Variants in KRTAP10-6 observed in about 807,000 individuals in gnomAD.
KRTAP10-6 encodes the protein keratin-associated protein 10-6.
KRTAP10-6 carries 1 observed loss-of-function variant against 0.5 expected under a neutral mutation model. That is an observed-to-expected ratio of 1.92 (90% CI 0.68 to 9.09). KRTAP10-6 has a LOEUF of 9.09. KRTAP10-6 is among the 30% of genes most tolerant of loss of function. The pLI, the probability that KRTAP10-6 is intolerant of heterozygous loss-of-function variation, is 0.13. For missense variants in KRTAP10-6, 337 were observed against 464.2 expected (o/e 0.73, Z 2.52); for synonymous variants, 136 against 196.5 (o/e 0.69, Z 2.58).
At position 44,591,795 on chromosome 21, in the gene KRTAP10-6, C is replaced by A; in HGVS notation, c.690G>T (p.Val230=). ...TSSPCQQACC[V]PVCCVPVCCV... Reference sequence around the variant, plus strand: ...AGCACACAGGCACGCAGCAGACGGGCACGCAGCAGGCCTGCTGGCAGGGGG... The same window carrying A: ...AGCACACAGGCACGCAGCAGACGGGAACGCAGCAGGCCTGCTGGCAGGGGG... The change falls in exon 1 of 1, where the codon GTG becomes GTT. Residue 230 remains valine (V), a synonymous_variant. Coordinates refer to ENST00000400368, the MANE Select transcript of KRTAP10-6 (RefSeq NM_198688.3). 6.3e-7 allele frequency: 1 copy of A among 1,587,700 alleles called. No homozygotes were observed. Among genetic ancestry groups the A allele is most frequent in the Non-Finnish European group, 8.6e-7 (1 of 1,168,418 alleles).
Position 44,591,311 on chromosome 21 carries a change from G to C in KRTAP10-6, c.*76C>G, listed in dbSNP as rs1439220036. 2 of 1,524,832 alleles carry C rather than the reference G, an allele frequency of 1.3e-6. No homozygotes were observed. Among genetic ancestry groups the C allele is most frequent in the Non-Finnish European group, 8.8e-7 (1 of 1,134,082 alleles). The allele number at this position is 1,524,832 out of a possible 1,614,324, so 94.5% of individuals were successfully genotyped here. A position where few individuals can be genotyped will look rare whatever the true frequency, so the allele number is the denominator to read the frequency against. On this transcript the variant is annotated 3_prime_UTR_variant, in exon 1 of 1. Transcript: ENST00000400368. ...CCATCTTCTGAGGGTGTCAAAGCCA[G>C]AGAGGGCAGAGCTTGCTGGGGCAGC...
rs782699928 is a variant in KRTAP10-6, at chr21:44,591,757, C to A, written c.728G>T (p.Cys243Phe). 6.3e-7 allele frequency: 1 copy of A among 1,599,480 alleles called. No homozygotes were observed. Among genetic ancestry groups the A allele is most frequent in the South Asian group, 1.1e-5 (1 of 90,338 alleles). Residue 243 changes from cysteine (C) to phenylalanine (F), a missense_variant, in exon 1 of 1, where the codon TGC (cysteine) becomes TTC (phenylalanine). This residue lies in a region of KRTAP10-6 where 218 missense variants were observed against 225.3 expected (regional missense o/e 0.97). Transcript: ENST00000400368. ...CCVPVCCVPT[C>F]SEDSSSCCQQ... ...GCAGCATGAAGAGGAATCCTCAGAG[C>A]AGGTGGGCACACAGCACACAGGCAC...
chr21:44,591,820 G>A lies in KRTAP10-6; in HGVS notation c.665C>T (p.Ser222Phe), dbSNP rs782629637. Reference protein sequence around the residue: ...SSCQPTCCTSSPCQQACCVPV... With the variant: ...SSCQPTCCTSFPCQQACCVPV... Reference sequence around the variant, plus strand: ...CACGCAGCAGGCCTGCTGGCAGGGGGAGGAGGTGCAGCAAGTTGGCTGGCA... The same window carrying A: ...CACGCAGCAGGCCTGCTGGCAGGGGAAGGAGGTGCAGCAAGTTGGCTGGCA... Residue 222 changes from serine to phenylalanine, a missense_variant, in exon 1 of 1, where the codon TCC becomes TTC. Transcript: ENST00000400368. 4.4e-6 allele frequency: 7 copies of A among 1,598,846 alleles called. No homozygotes were observed. The South Asian group carries it at 6.7e-5, about 15-fold the overall frequency.
Position 44,592,404 on chromosome 21 carries a change from A to G in KRTAP10-6, c.81T>C (p.Ser27=), listed in dbSNP as rs79387815. 4.6e-3 allele frequency: 7,356 copies of G among 1,601,644 alleles called. 431 individuals are homozygous for G. The East Asian group carries it at 0.13, about 28-fold the overall frequency. The stretch of plus-strand genomic sequence containing the variant: ...CGTCCACCTGCCAGGAGTCGGAGCA[A>G]GAGTCACAGGAACCAGGAAGGCAGA... ...SRVCLPGSCD[S]CSDSWQVDDC... The change falls in exon 1 of 1, where the codon TCT becomes TCC. Residue 27 remains serine (S), a synonymous_variant. Transcript: ENST00000400368.
rs1335448194 is a variant in KRTAP10-6, at chr21:44,591,894, T to C, written c.591A>G (p.Gln197=). The change falls in exon 1 of 1, where the codon CAA becomes CAG. Residue 197 remains glutamine (Q), a synonymous_variant. Transcript: ENST00000400368. ...CQAVCEPSPC[Q]SGCTSSCTPS... The stretch of plus-strand genomic sequence containing the variant: ...GTGTGCAGGAGCTGGTGCAGCCTGA[T>C]TGGCAGGGGCTGGGCTCACAGACCG... 1 of 1,592,366 alleles carries C rather than the reference T, an allele frequency of 6.3e-7. No homozygotes were observed. Among genetic ancestry groups the C allele is most frequent in the Non-Finnish European group, 8.5e-7 (1 of 1,177,020 alleles).
rs1346446984 is a variant in KRTAP10-6 at position 44,592,505 on chromosome 21, G to A, written c.-21C>T. ...GCCATGCTGGGGTTGAACTGGTGGA[G>A]GGTGAGGGAGTGAGCCTGTGAGGTG... On this transcript the variant is annotated 5_prime_UTR_variant, in exon 1 of 1. Transcript: ENST00000400368. 2 of 1,589,436 alleles carry A rather than the reference G, an allele frequency of 1.3e-6. No individual in the cohort carries two copies. Among genetic ancestry groups the A allele is most frequent in the Non-Finnish European group, 1.7e-6 (2 of 1,167,898 alleles).
the KRTAP10-6 span, chr21:44,591,763 G>GGCACACA: frequency 6.2e-7 from 1 of 1,603,790 alleles, no homozygotes; most frequent in East Asian, 2.3e-5. Context: ...AGAGCAGGTG[G>GGCACACA]GCACACAGCA....
At position 44,591,557 on chromosome 21, in the gene KRTAP10-6, G is replaced by A. The variant is rs587672654; in HGVS notation, c.928C>T (p.Pro310Ser). The A allele has an allele frequency of 6.8e-6, 11 of 1,613,248 alleles. No homozygotes were observed. The highest frequency in any genetic ancestry group is 5.0e-5 in the Admixed American group (3 of 59,896). The change falls in exon 1 of 1, where the codon CCT becomes TCT. Residue 310 changes from proline to serine, a missense_variant. Around this residue, in one of 3 missense-constraint regions of KRTAP10-6, gnomAD observed 218 missense variants for 225.3 expected, o/e 0.97. Coordinates refer to ENST00000400368, the MANE Select transcript of KRTAP10-6 (RefSeq NM_198688.3). ...ACGCAGCAGGTGGACTTGCACACAG[G>A]GTGGCAGAGGAGGGACACGGAGGAG... The part of the protein sequence containing the change: ...SSSSVSLLCH[P>S]VCKSTCCVPV...
At position 44,591,864 on chromosome 21, in the gene KRTAP10-6, T is replaced by A; in HGVS notation, c.621A>T (p.Ser207=). 6.3e-7 allele frequency: 1 copy of A among 1,577,516 alleles called. No homozygotes were observed. The highest frequency in any genetic ancestry group is 8.6e-7 in the Non-Finnish European group (1 of 1,167,340). The change falls in exon 1 of 1, where the codon TCA becomes TCT. Residue 207 remains serine (S), a synonymous_variant. Coordinates refer to ENST00000400368, the MANE Select transcript of KRTAP10-6 (RefSeq NM_198688.3). ...QSGCTSSCTP[S]CCQQSSCQPT... Reference sequence around the variant, plus strand: ...GCTGGCAGCTAGACTGCTGGCAGCATGAGGGTGTGCAGGAGCTGGTGCAGC... The same window carrying A: ...GCTGGCAGCTAGACTGCTGGCAGCAAGAGGGTGTGCAGGAGCTGGTGCAGC...
chr21:44,592,014 C>A lies in KRTAP10-6; in HGVS notation c.471G>T (p.Val157=), dbSNP rs1398517848. The A allele has an allele frequency of 6.2e-7, 1 of 1,607,968 alleles. No individual in the cohort carries two copies. Among genetic ancestry groups the A allele is most frequent in the Non-Finnish European group, 8.5e-7 (1 of 1,177,848 alleles). The part of the protein sequence containing the change: ...TSSPCQQACC[V]PVCCKPVCSG... The stretch of plus-strand genomic sequence containing the variant: ...AGCAGACAGGCTTGCAGCAGACGGG[C>A]ACACAGCAGGCCTGCTGGCAGGGGG... The change falls in exon 1 of 1, where the codon GTG becomes GTT. Residue 157 remains valine (V), a synonymous_variant. Transcript: ENST00000400368.
rs372537152 is a variant in KRTAP10-6, at chr21:44,591,404, G to C, written c.1081C>G (p.Gln361Glu). The stretch of plus-strand genomic sequence containing the variant: ...CAGGGCTGTCAGCAGCTGGACTTCT[G>C]GCCAGAGCAGAGGCTGTAGCAGGCA... ...RPACYSLCSGQKSSC is the reference protein window; with the variant it reads ...RPACYSLCSGEKSSC Residue 361 changes from glutamine to glutamate, a missense_variant, in exon 1 of 1, where the codon CAG becomes GAG. Gln to Glu is a conservative substitution (Grantham distance 29). This residue lies in a region of KRTAP10-6 where 218 missense variants were observed against 225.3 expected (regional missense o/e 0.97). Transcript: ENST00000400368. The C allele has an allele frequency of 2.5e-6, 4 of 1,609,714 alleles. No homozygotes were observed. Among genetic ancestry groups the C allele is most frequent in the Non-Finnish European group, 2.5e-6 (3 of 1,177,596 alleles).
Sources: allele counts gnomAD v4.1 joint callset, GRCh38; gene constraint gnomAD v4.1.1; regional missense constraint gnomAD v4.1.1; transcripts MANE v1.5; gene names NCBI Gene and HGNC (gene_info 2026-07-23, HGNC 2026-07-21).